The following ZSCAN5A variants were observed in gnomAD, a reference collection of about 807,000 sequenced individuals.
The protein encoded by ZSCAN5A is zinc finger and SCAN domain containing 5A, also known as zinc finger and SCAN domain-containing protein 5A.
A neutral mutation model predicts 23.7 loss-of-function variants in ZSCAN5A; 12 were observed. That is an observed-to-expected ratio of 0.51 (90% CI 0.32 to 0.82). The LOEUF is 0.82. Among genes scored for constraint, ZSCAN5A ranks in the 40% least tolerant of loss-of-function variants. ZSCAN5A has a pLI of 0.03. For missense variants in ZSCAN5A, 597 were observed against 617.9 expected, an observed-to-expected ratio of 0.97 and a Z score of 0.36; for synonymous variants, 257 against 239.9, an observed-to-expected ratio of 1.07 and a Z score of -0.66.
intron 2 of ZSCAN5A, among the ~76,000 whole-genome samples, chr19:56,288,229 T>C (rs1228286771): frequency 1.3e-5 from 2 of 152,202 alleles, no homozygotes; most frequent in African/African-American, 4.8e-5. Context: ...CATGATCACC[T>C]ACCATCATGC....
At chr19:56,228,642 G>A (rs1361962468) in intron 2 of ZSCAN5A, among the ~76,000 whole-genome samples, 1 of 152,054 alleles carries the variant, frequency 6.6e-6, no homozygotes, top group East Asian at 1.9e-4. Flanking sequence ...TGGTGGATTA[G>A]TATCAAACCA....
intron 2 of ZSCAN5A, among the ~76,000 whole-genome samples, chr19:56,335,272 A>T (rs2041524397): frequency 6.6e-6 from 1 of 152,144 alleles, no homozygotes; most frequent in Non-Finnish European, 1.5e-5. Flanking sequence ...AAAAGGAATA[A>T]CCAAACCTCC....
At chr19:56,344,646 G>A (rs2041617749) in intron 2 of ZSCAN5A, among the ~76,000 whole-genome samples, 2 of 151,740 alleles carry the variant, frequency 1.3e-5, no homozygotes, top group Non-Finnish European at 2.9e-5. Flanking sequence ...GCTCACGCCT[G>A]TAATCCCAGC....
intron 2 of ZSCAN5A, among the ~76,000 whole-genome samples, chr19:56,361,938 A>ACC (rs1291628537): frequency 1.3e-5 from 2 of 151,656 alleles, no homozygotes; most frequent in East Asian, 2.0e-4. Context: ...AGGGCAGATC[A>ACC]TGAGGTCAGG....
At chr19:56,284,550 T>C (rs1195645882) in intron 2 of ZSCAN5A, among the ~76,000 whole-genome samples, 1 of 144,072 alleles carries the variant, frequency 6.9e-6, no homozygotes, top group African/African-American at 2.5e-5. Flanking sequence ...AGTCTTGCTC[T>C]GTCACTCAGG....
chr19:56,286,460 C>G (rs931811342), intron 2 of ZSCAN5A: 1 of 149,088 alleles, frequency 6.7e-6, no homozygotes, highest in African/African-American at 2.4e-5. Flanking sequence ...TTCAAATGGA[C>G]GTACAGCTTT....
At chr19:56,317,470 T>C (rs1006341502), upstream of ZSCAN5A, 3 of 152,246 alleles carry the variant, frequency 2.0e-5, no homozygotes, top group African/African-American at 7.2e-5. Context: ...CTCATTACAC[T>C]GGATAATGAT....
chr19:56,360,664 C>T (rs187921405), intron 2 of ZSCAN5A, among the ~76,000 whole-genome samples: 1,560 of 151,972 alleles, frequency 0.01, 27 homozygotes, highest in African/African-American at 0.036. Flanking sequence ...TTTATTACAC[C>T]TTATACAAAA....
At chr19:56,242,239 G>A (rs947228443) in intron 2 of ZSCAN5A, among the ~76,000 whole-genome samples, 9 of 152,114 alleles carry the variant, frequency 5.9e-5, no homozygotes, top group African/African-American at 1.9e-4. Context: ...TCTAGCAGGC[G>A]TGAGGGGTGC....
chr19:56,250,420 G>C (rs377473858), intron 2 of ZSCAN5A, among the ~76,000 whole-genome samples: 2 of 152,272 alleles, frequency 1.3e-5, no homozygotes, highest in African/African-American at 4.8e-5. Context: ...GTAACCTCGT[G>C]GCCCTCAAAT....
Position 56,362,671 on chromosome 19 carries a change from C to G in ZSCAN5A, c.-358+564G>C, listed in dbSNP as rs916730299. On this transcript the variant is annotated intron_variant, in intron 2 of 6. Transcript: ENST00000587340. ...GATCACGAGGTCAGGAGATTAAGAC[C>G]ATCCTGGCTAACACGGTAAAACCCC... Among the ~76,000 whole-genome samples the G allele has an allele frequency of 3.3e-5, 5 of 152,282 alleles. No individual in the cohort carries two copies. In the South Asian group the frequency reaches 1.0e-3, roughly 32 times the overall value.
rs370231943 is a variant in ZSCAN5A, at chr19:56,351,798, G to A, written c.-358+11437C>T. On this transcript the variant is annotated intron_variant, in intron 2 of 6. Coordinates refer to the ZSCAN5A transcript ENST00000587340. This position sits in a 1 kb window ranked among gnomAD's most constrained non-coding sequence, Gnocchi z 4.8. ...GTCGCAGAACAAGAAAAGTGGTGCCGCTAAGATTGCACAGGTGCAGCGAAT... is the reference window on the plus strand; with the variant it reads ...GTCGCAGAACAAGAAAAGTGGTGCCACTAAGATTGCACAGGTGCAGCGAAT... Among the ~76,000 whole-genome samples, 35 of 152,244 alleles carry A rather than the reference G, an allele frequency of 2.3e-4. No individual in the cohort carries two copies. Among genetic ancestry groups the A allele is most frequent in the African/African-American group, 7.7e-4 (32 of 41,528 alleles).
chr19:56,248,886 T>C (rs543519489), intron 2 of ZSCAN5A, among the ~76,000 whole-genome samples: 1 of 152,116 alleles, frequency 6.6e-6, no homozygotes, highest in African/African-American at 2.4e-5. Context: ...TGCCTGGACA[T>C]ATCACCACCA....
At chr19:56,314,369 G>A (rs577696022) in intron 1 of ZSCAN5A, 3 of 152,270 alleles carry the variant, frequency 2.0e-5, no homozygotes, top group East Asian at 1.9e-4. Context: ...AAAATCGGGA[G>A]GGAAGGAAAA....
At chr19:56,364,450 G>A (rs938774535) in intron 1 of ZSCAN5A, among the ~76,000 whole-genome samples, 3 of 152,158 alleles carry the variant, frequency 2.0e-5, no homozygotes, top group South Asian at 2.1e-4. Context: ...TTGAAAGAAC[G>A]ACAATATAAA....
At chr19:56,267,672 T>C (rs4801696) in intron 2 of ZSCAN5A, among the ~76,000 whole-genome samples, 65,927 of 151,916 alleles carry the variant, frequency 0.43, 14,766 homozygotes, top group Admixed American at 0.51. Flanking sequence ...TTCATATACT[T>C]AGCTTCGAAT....
Position 56,241,541 on chromosome 19 carries a change from T to C in ZSCAN5A, c.-127-16368A>G, listed in dbSNP as rs528470270. The stretch of plus-strand genomic sequence containing the variant: ...TGTGAACGCTGTAAAATGGCTAAAT[T>C]AAGCTGCTATTCACATGCCTTACTT... On this transcript the variant is annotated intron_variant, in intron 2 of 5. Transcript: ENST00000683990. Among the ~76,000 whole-genome samples the C allele has an allele frequency of 2.6e-5, 4 of 152,388 alleles. No individual in the cohort carries two copies. In the East Asian group the frequency reaches 7.7e-4, roughly 29 times the overall value.
chr19:56,233,372 C>T (rs999707512), intron 2 of ZSCAN5A, among the ~76,000 whole-genome samples: 3 of 152,032 alleles, frequency 2.0e-5, no homozygotes, highest in Non-Finnish European at 2.9e-5. Context: ...AAATGGTCCC[C>T]GCCCTCCGCT....
intron 2 of ZSCAN5A, among the ~76,000 whole-genome samples, chr19:56,244,844 G>A (rs983161427): frequency 3.3e-5 from 5 of 151,512 alleles, no homozygotes; most frequent in Non-Finnish European, 7.4e-5. Context: ...ACTGAAGCGG[G>A]GCCCAGGAGT....
Sources: gnomAD v4.1 joint callset for allele counts (sites outside exome capture counted in the v4.1 genomes callset) on GRCh38, gnomAD v4.1.1 for gene constraint, Gnocchi (gnomAD v3.1) non-coding constraint, MANE v1.5 for transcripts, NCBI Gene and HGNC (gene_info 2026-07-23, HGNC 2026-07-21) for gene names.